The following RPS6KA6 variants were observed in gnomAD, a reference collection of about 807,000 sequenced individuals.
RPS6KA6 encodes the protein ribosomal protein S6 kinase A6.
A neutral mutation model predicts 65.4 loss-of-function variants in RPS6KA6; 27 were observed. That is an observed-to-expected ratio of 0.41 (90% CI 0.30 to 0.57). RPS6KA6 has a LOEUF of 0.57. Ranked by LOEUF, RPS6KA6 falls within the 20% of genes least tolerant of loss-of-function variation. The pLI is 0.24. For missense variants in RPS6KA6, 486 were observed against 555.6 expected, an observed-to-expected ratio of 0.87 and a Z score of 1.26; for synonymous variants, 190 against 184.2, an observed-to-expected ratio of 1.03 and a Z score of -0.26.
intron 20 of RPS6KA6, among the ~76,000 whole-genome samples, chrX:84,083,539 G>T (rs768647635): frequency 8.9e-6 from 1 of 111,991 alleles, no homozygotes; most frequent in Non-Finnish European, 1.9e-5. Context: ...CTATATCCAT[G>T]TCCCTGCAAA....
At chrX:84,150,233 TCTATTTAGACCA>T (rs1466659536) in intron 3 of RPS6KA6, among the ~76,000 whole-genome samples, 3 of 111,720 alleles carry the variant, frequency 2.7e-5, no homozygotes, top group Non-Finnish European at 5.6e-5. Flanking sequence ...GCTTTGATCT[TCTATTTAGACCA>T]CTAAAACTTT....
At chrX:84,086,937 T>G (rs1354667515) in intron 20 of RPS6KA6, among the ~76,000 whole-genome samples, 2 of 110,889 alleles carry the variant, frequency 1.8e-5, no homozygotes, top group Non-Finnish European at 1.9e-5. Flanking sequence ...TGTCTTTTGA[T>G]TTTTTAAAGT....
In RPS6KA6 at chrX:84,110,786, C is replaced by T. The variant is rs765460311; in HGVS notation, c.1009-3061G>A. Among the ~76,000 whole-genome samples, 13 of 110,696 alleles carry T rather than the reference C, an allele frequency of 1.2e-4. No homozygotes were observed. In the East Asian group the frequency reaches 3.4e-3, roughly 29 times the overall value. On this transcript the variant is annotated intron_variant, in intron 12 of 21. Transcript: ENST00000262752. Reference sequence around the variant, plus strand: ...AACCAACATAAGAACTTCAGGACTACGAAGAAAAAGAATGTAATGACATCC... The same window carrying T: ...AACCAACATAAGAACTTCAGGACTATGAAGAAAAAGAATGTAATGACATCC...
At chrX:84,107,585 A>T in intron 13 of RPS6KA6, 38 bp downstream of exon 13, 1 of 866,469 alleles carries the variant, frequency 1.2e-6, no homozygotes, top group Non-Finnish European at 1.6e-6. Context: ...CTATCTACTT[A>T]AATAAAATCT....
At chrX:84,092,367 T>C (rs2034064677) in intron 20 of RPS6KA6, among the ~76,000 whole-genome samples, 2 of 110,639 alleles carry the variant, frequency 1.8e-5, no homozygotes, top group Non-Finnish European at 3.8e-5. Flanking sequence ...CTCAAGCGTG[T>C]AATCCTAGCA....
chrX:84,066,497 G>A (rs955060182), intron 20 of RPS6KA6, among the ~76,000 whole-genome samples: 7 of 110,649 alleles, frequency 6.3e-5, no homozygotes, highest in African/African-American at 1.3e-4. Flanking sequence ...TAAGGGGGCC[G>A]GGAGGTTTGG....
At chrX:84,066,974 A>AGT (rs1186731676) in intron 20 of RPS6KA6, among the ~76,000 whole-genome samples, 1 of 111,782 alleles carries the variant, frequency 8.9e-6, no homozygotes, top group Non-Finnish European at 1.9e-5. Flanking sequence ...GGTGATACCA[A>AGT]GGTGAACAGG....
intron 6 of RPS6KA6, among the ~76,000 whole-genome samples, chrX:84,135,411 G>A (rs1472343425): frequency 9.0e-6 from 1 of 111,168 alleles, no homozygotes; most frequent in Non-Finnish European, 1.9e-5. Flanking sequence ...AACTCTTTAA[G>A]AATGTGTCTC....
chrX:84,137,643 C>A, intron 6 of RPS6KA6, among the ~76,000 whole-genome samples: 1 of 111,707 alleles, frequency 9.0e-6, no homozygotes, highest in East Asian at 2.8e-4. Flanking sequence ...CTGTAAAAAG[C>A]CTTTTCAAAT....
intron 21 of RPS6KA6, 144 bp from the exon 22 acceptor site, chrX:84,064,546 G>A (rs758438159): frequency 5.8e-4 from 286 of 493,938 alleles, no homozygotes; most frequent in African/African-American, 5.2e-3. Flanking sequence ...TCTGTGCACT[G>A]ATGAATCAAT....
At chrX:84,129,614 C>T (rs1278124641) in intron 8 of RPS6KA6, among the ~76,000 whole-genome samples, 1 of 111,355 alleles carries the variant, frequency 9.0e-6, no homozygotes, top group African/African-American at 3.3e-5. Flanking sequence ...CATTGACAGA[C>T]AAATGGATAA....
chrX:84,136,577 A>T (rs2034995216), intron 6 of RPS6KA6, among the ~76,000 whole-genome samples: 1 of 111,561 alleles, frequency 9.0e-6, no homozygotes. Context: ...CTAACCAAGG[A>T]TAATAAGAAT....
At chrX:84,159,996 T>C (rs891734247) in intron 2 of RPS6KA6, among the ~76,000 whole-genome samples, 1 of 111,177 alleles carries the variant, frequency 9.0e-6, no homozygotes, top group African/African-American at 3.3e-5. Flanking sequence ...GGAAAATAAA[T>C]TTCTGCTGTT....
intron 20 of RPS6KA6, among the ~76,000 whole-genome samples, chrX:84,083,166 C>T (rs2033840494): frequency 8.9e-6 from 1 of 112,579 alleles, no homozygotes; most frequent in Admixed American, 9.4e-5. Context: ...AGGCAACCTA[C>T]AGAATGGGAG....
intron 3 of RPS6KA6, among the ~76,000 whole-genome samples, chrX:84,150,846 G>GAT (rs1259226474): frequency 7.8e-5 from 7 of 90,153 alleles, no homozygotes; most frequent in African/African-American, 1.6e-4. Flanking sequence ...ATATATATAG[G>GAT]ATATATATAT....
Position 84,187,852 on chromosome X carries a change from T to C in RPS6KA6, c.48A>G (p.Glu16=), listed in dbSNP as rs1253025877. Residue 16 remains glutamate (E), a synonymous_variant, in exon 1 of 22, where the codon GAA becomes GAG. Transcript: ENST00000262752. ...PQDEPWDREM[E]VFSGGGASSG... ...TGCTCGCGCCGCCGCCGCTGAACAC[T>C]TCCATTTCTCGGTCCCAGGGCTCGT... 2.5e-6 allele frequency: 3 copies of C among 1,201,442 alleles called. No individual in the cohort carries two copies. In the South Asian group the frequency reaches 5.4e-5, roughly 22 times the overall value.
In RPS6KA6 at chrX:84,059,111, TTTC is replaced by T. The variant is rs1269705493; in HGVS notation, c.*5163_*5165del. On this transcript the variant is annotated 3_prime_UTR_variant, in exon 22 of 22. Transcript: ENST00000262752. Reference sequence around the variant, plus strand: ...TGTAACTTTTTAAATGGCTGTTTCTTTTCTTTTTTTTTTTTTTTTTTTTTTTTT... The same window carrying T: ...TGTAACTTTTTAAATGGCTGTTTCTTTTTTTTTTTTTTTTTTTTTTTTTTT... 1.1e-4 allele frequency: 10 copies of T among 92,441 alleles called. No individual in the cohort carries two copies. The highest frequency in any genetic ancestry group is 3.9e-4 in the African/African-American group (10 of 25,901). The allele number at this position is 92,441 out of a possible 1,213,427, so 7.6% of individuals were successfully genotyped here. A position where few individuals can be genotyped will look rare whatever the true frequency, so the allele number is the denominator to read the frequency against.
intron 12 of RPS6KA6, among the ~76,000 whole-genome samples, chrX:84,110,145 T>C (rs983188234): frequency 8.9e-6 from 1 of 111,906 alleles, no homozygotes; most frequent in African/African-American, 3.3e-5. Flanking sequence ...TCAGCTATAC[T>C]GCGGTCTGGA....
At chrX:84,110,022 A>G (rs765126287) in intron 12 of RPS6KA6, among the ~76,000 whole-genome samples, 1 of 111,671 alleles carries the variant, frequency 9.0e-6, no homozygotes, top group African/African-American at 3.3e-5. Flanking sequence ...ATCTACAGAA[A>G]GCAGAAGCAT....
Sources: gnomAD v4.1 joint callset for allele counts (sites outside exome capture counted in the v4.1 genomes callset) on GRCh38, gnomAD v4.1.1 for gene constraint, MANE v1.5 for transcripts, NCBI Gene and HGNC (gene_info 2026-07-23, HGNC 2026-07-21) for gene names.